LDB2: variants seen among roughly 807,000 people sequenced by gnomAD.
LDB2 encodes the protein LIM domain-binding protein 2.
In LDB2, 12 loss-of-function variants were observed where a neutral mutation model predicts 44.3. The ratio of observed to expected loss-of-function variants is 0.27; its 90% CI spans 0.17 to 0.44. The LOEUF is 0.44. LDB2 is among the 20% of genes least tolerant of loss of function. LDB2 has a pLI of 1.00. For missense variants in LDB2, 344 were observed against 473.5 expected, an observed-to-expected ratio of 0.73 and a Z score of 2.54; for synonymous variants, 164 against 174.8, an observed-to-expected ratio of 0.94 and a Z score of 0.49.
At chr4:16,889,905 T>G (rs4698520) in intron 1 of LDB2, among the ~76,000 whole-genome samples, 30,942 of 152,210 alleles carry the variant, frequency 0.2, 3,721 homozygotes, top group Non-Finnish European at 0.26. Flanking sequence ...AGAGAACATT[T>G]AAGTTGCTCA....
intron 2 of LDB2, among the ~76,000 whole-genome samples, chr4:16,696,095 G>A (rs1266850093): frequency 6.6e-6 from 1 of 152,184 alleles, no homozygotes. Flanking sequence ...AAAGGCCTTG[G>A]GGAGAGAGGA....
At chr4:16,526,837 T>A (rs1006549222) in intron 5 of LDB2, among the ~76,000 whole-genome samples, 2 of 152,214 alleles carry the variant, frequency 1.3e-5, no homozygotes, top group African/African-American at 2.4e-5. Context: ...TGTCTCAGAC[T>A]TCTGATCTAC....
At chr4:16,850,723 T>C (rs1161928342) in intron 1 of LDB2, among the ~76,000 whole-genome samples, 2 of 152,066 alleles carry the variant, frequency 1.3e-5, no homozygotes, top group African/African-American at 4.8e-5. Flanking sequence ...AAATTCTGGA[T>C]TGGGTAGAAA....
intron 2 of LDB2, among the ~76,000 whole-genome samples, chr4:16,639,168 T>C (rs1734461626): frequency 6.6e-6 from 1 of 152,180 alleles, no homozygotes; most frequent in South Asian, 2.1e-4. Context: ...CCCTGAATGA[T>C]TATATGTAGA....
intron 1 of LDB2, among the ~76,000 whole-genome samples, chr4:16,797,184 C>T (rs892126382): frequency 3.3e-5 from 5 of 152,126 alleles, no homozygotes; most frequent in South Asian, 2.1e-4. Flanking sequence ...AAGGTCAGCC[C>T]GCCCTGTATG....
At chr4:16,708,308 C>A (rs531979605) in intron 2 of LDB2, among the ~76,000 whole-genome samples, 2 of 151,918 alleles carry the variant, frequency 1.3e-5, no homozygotes, top group African/African-American at 4.8e-5. Flanking sequence ...AGAGCGAGAC[C>A]CTGTCTTAAA....
At chr4:16,769,430 G>A (rs1770127967) in intron 1 of LDB2, among the ~76,000 whole-genome samples, 1 of 151,876 alleles carries the variant, frequency 6.6e-6, no homozygotes, top group Non-Finnish European at 1.5e-5. Context: ...CCGAGTAGCT[G>A]GGATTACAGG....
In LDB2 at chr4:16,502,483, AAAAAAG is replaced by A; in HGVS notation, c.*154_*159del. The A allele has an allele frequency of 9.1e-7, 1 of 1,103,300 alleles. No individual in the cohort carries two copies. Among genetic ancestry groups the A allele is most frequent in the East Asian group, 2.4e-5 (1 of 41,356 alleles). The allele number at this position is 1,103,300 out of a possible 1,614,324, so 68.3% of individuals were successfully genotyped here. A position where few individuals can be genotyped will look rare whatever the true frequency, so the allele number is the denominator to read the frequency against. ...ACTGGGAATAATCCTCTCAATTAGA[AAAAAAG>A]AAAGAAGAAAGAAAATCAGATCATT... On this transcript the variant is annotated 3_prime_UTR_variant, in exon 8 of 8. Transcript: ENST00000304523.
At chr4:16,538,639 G>C (rs758049979) in intron 5 of LDB2, among the ~76,000 whole-genome samples, 13 of 152,156 alleles carry the variant, frequency 8.5e-5, no homozygotes, top group Non-Finnish European at 1.8e-4. Flanking sequence ...TAAACTAGCT[G>C]TGTGAACTTG....
intron 1 of LDB2, among the ~76,000 whole-genome samples, chr4:16,862,956 C>G (rs150080721): frequency 6.6e-6 from 1 of 152,102 alleles, no homozygotes; most frequent in Non-Finnish European, 1.5e-5. Flanking sequence ...GAGCGTCCAG[C>G]GAGTCAGAGT....
chr4:16,713,287 T>C (rs776803213), intron 2 of LDB2, among the ~76,000 whole-genome samples: 4 of 152,220 alleles, frequency 2.6e-5, no homozygotes, highest in African/African-American at 4.8e-5. Flanking sequence ...TCTGTAAATA[T>C]GCTAACAAAA....
intron 2 of LDB2, among the ~76,000 whole-genome samples, chr4:16,731,020 G>A (rs1404997983): frequency 6.6e-6 from 1 of 152,120 alleles, no homozygotes; most frequent in Non-Finnish European, 1.5e-5. Flanking sequence ...TTCCTCAAGG[G>A]ACTTACCACT....
chr4:16,563,965 A>C (rs993846575), intron 5 of LDB2, among the ~76,000 whole-genome samples: 1 of 152,134 alleles, frequency 6.6e-6, no homozygotes. Flanking sequence ...AAATAGAATA[A>C]ATACTCAATT....
intron 1 of LDB2, among the ~76,000 whole-genome samples, chr4:16,767,349 G>T (rs1047536103): frequency 3.9e-5 from 6 of 152,274 alleles, no homozygotes; most frequent in Admixed American, 6.5e-5. Context: ...TTAACCAAAA[G>T]GAGGATTATT....
intron 1 of LDB2, among the ~76,000 whole-genome samples, chr4:16,774,127 C>T (rs1457305450): frequency 7.0e-6 from 1 of 142,768 alleles, no homozygotes; most frequent in Non-Finnish European, 1.5e-5. Flanking sequence ...TGCACTCCAG[C>T]CTGGCAACAG....
At chr4:16,754,401 G>T (rs896944778) in intron 2 of LDB2, among the ~76,000 whole-genome samples, 5 of 152,192 alleles carry the variant, frequency 3.3e-5, no homozygotes, top group East Asian at 1.9e-4. Flanking sequence ...ATGCATAGAA[G>T]CTATGGTGAG....
chr4:16,633,173 A>G (rs1324827625), intron 2 of LDB2, among the ~76,000 whole-genome samples: 15 of 152,226 alleles, frequency 9.9e-5, no homozygotes, highest in Admixed American at 5.2e-4. Flanking sequence ...CATTCTCAGC[A>G]AACTATCACA....
intron 5 of LDB2, among the ~76,000 whole-genome samples, chr4:16,523,428 C>A (rs1018891070): frequency 6.6e-6 from 1 of 152,160 alleles, no homozygotes; most frequent in African/African-American, 2.4e-5. Context: ...CTTTCACTTA[C>A]AAGAAATACT....
intron 2 of LDB2, among the ~76,000 whole-genome samples, chr4:16,610,706 G>A (rs1160865240): frequency 6.6e-6 from 1 of 151,802 alleles, no homozygotes; most frequent in Non-Finnish European, 1.5e-5. Context: ...CAAGAAATAC[G>A]GGACTTCATA....
Sources: gnomAD v4.1 joint callset for allele counts (sites outside exome capture counted in the v4.1 genomes callset) on GRCh38, gnomAD v4.1.1 for gene constraint, MANE v1.5 for transcripts, NCBI Gene and HGNC (gene_info 2026-07-23, HGNC 2026-07-21) for gene names.